The following DSC3 variants were observed in gnomAD, a reference collection of about 807,000 sequenced individuals.
The protein encoded by DSC3 is desmocollin 3.
Under a neutral mutation model 89.5 loss-of-function variants are expected in DSC3, and 97 were observed. The ratio of observed to expected loss-of-function variants is 1.08; its 90% CI spans 0.92 to 1.28. DSC3 has a LOEUF of 1.28. Among genes scored for constraint, DSC3 ranks in the 50% most tolerant of loss-of-function variants. The probability of loss-of-function intolerance (pLI) is 0.00; values close to 1 mark genes in which losing one functional copy is unlikely to be tolerated. For synonymous variants in DSC3, 436 were observed against 384.1 expected, an observed-to-expected ratio of 1.14 and a Z score of -1.58; for missense variants, 1,199 against 1,085.3, an observed-to-expected ratio of 1.10 and a Z score of -1.47.
Position 30,991,776 on chromosome 18 carries a change from G to T in DSC3, c.*2399C>A, listed in dbSNP as rs945312785. On this transcript the variant is annotated 3_prime_UTR_variant, in exon 16 of 16. Coordinates refer to ENST00000360428, the MANE Select transcript of DSC3 (RefSeq NM_001941.5). ...GAGTTCTTTCTCCCCCTGGCTTCTC[G>T]ACTGTCTTTTGGTTGAGTATTTCAA... 39 of 152,092 alleles carry T rather than the reference G, an allele frequency of 2.6e-4. 1 individual carries two copies. Among genetic ancestry groups the T allele is most frequent in the Non-Finnish European group, 5.9e-5 (4 of 68,034 alleles). The allele number at this position is 152,092 out of a possible 1,614,324, so 9.4% of individuals were successfully genotyped here.
At chr18:31,014,764 A>G (rs1985179253) in intron 9 of DSC3, among the ~76,000 whole-genome samples, 1 of 152,178 alleles carries the variant, frequency 6.6e-6, no homozygotes, top group African/African-American at 2.4e-5. Context: ...TATTGAATAC[A>G]AACTGCCTTG....
Position 30,991,563 on chromosome 18 carries a change from T to A in DSC3, c.*2612A>T, listed in dbSNP as rs1378902871. 2 of 152,178 alleles carry A rather than the reference T, an allele frequency of 1.3e-5. No individual in the cohort carries two copies. Among genetic ancestry groups the A allele is most frequent in the African/African-American group, 2.4e-5 (1 of 41,440 alleles). The allele number at this position is 152,178 out of a possible 1,614,324, so 9.4% of individuals were successfully genotyped here. ...CAGGGAAGTGATACTGGTTGCTCTT[T>A]GAGAAAGTTTATCGGCACTAGTAAA... On this transcript the variant is annotated 3_prime_UTR_variant, in exon 16 of 16. Coordinates refer to ENST00000360428, the MANE Select transcript of DSC3 (RefSeq NM_001941.5).
At chr18:31,011,864 G>A (rs1242259392) in intron 9 of DSC3, among the ~76,000 whole-genome samples, 1 of 149,228 alleles carries the variant, frequency 6.7e-6, no homozygotes, top group Non-Finnish European at 1.5e-5. Flanking sequence ...ATGGAGGCAT[G>A]CGCCTGTAGT....
In DSC3 at chr18:31,006,125, G is replaced by A. The variant is rs377634172; in HGVS notation, c.1888+782C>T. Among the ~76,000 whole-genome samples, 14 of 152,134 alleles carry A rather than the reference G, an allele frequency of 9.2e-5. 1 individual carries two copies. In the South Asian group the frequency reaches 1.5e-3, roughly 16 times the overall value. On this transcript the variant is annotated intron_variant, in intron 12 of 15. Coordinates refer to ENST00000360428, the MANE Select transcript of DSC3 (RefSeq NM_001941.5). ...ACAGCCCCCAGAAACTGCTACAATA[G>A]GCAGCAGCCCCTCAATACTCCTTCC...
Position 30,993,909 on chromosome 18 carries a change from A to G in DSC3, c.*266T>C. ...TATCCAGCATATTTATTACTAAAATATCCGTAAAAAAAAAAAAGAGCAGAT... is the reference window on the plus strand; with the variant it reads ...TATCCAGCATATTTATTACTAAAATGTCCGTAAAAAAAAAAAAGAGCAGAT... On this transcript the variant is annotated 3_prime_UTR_variant, in exon 16 of 16. Coordinates refer to ENST00000360428, the MANE Select transcript of DSC3 (RefSeq NM_001941.5). 1 of 339,380 alleles carries G rather than the reference A, an allele frequency of 2.9e-6. No individual in the cohort carries two copies. The highest frequency in any genetic ancestry group is 5.5e-6 in the Non-Finnish European group (1 of 182,592). The allele number at this position is 339,380 out of a possible 1,614,324, so 21.0% of individuals were successfully genotyped here.
rs1210763839 is a variant in DSC3 at position 30,994,119 on chromosome 18, T to C, written c.*56A>G. The C allele has an allele frequency of 6.5e-7, 1 of 1,540,426 alleles. No individual in the cohort carries two copies. The highest frequency in any genetic ancestry group is 1.7e-5 in the Admixed American group (1 of 59,662). ...CATGTTGAAATTGAACTTTACAATA[T>C]TATTTTTGGAAACCTCCAGAATGTC... On this transcript the variant is annotated 3_prime_UTR_variant, in exon 16 of 16. Transcript: ENST00000360428.
At chr18:31,022,550 T>A in intron 6 of DSC3, 48 bp from the exon 7 acceptor site, 2 of 1,598,838 alleles carry the variant, frequency 1.3e-6, no homozygotes, top group African/African-American at 2.7e-5. Context: ...AATTGTTAAA[T>A]ATACTTTCAA....
At chr18:31,037,943 T>C (rs1354573444) in intron 1 of DSC3, among the ~76,000 whole-genome samples, 2 of 152,136 alleles carry the variant, frequency 1.3e-5, no homozygotes, top group Non-Finnish European at 2.9e-5. Flanking sequence ...GTGCTATGAA[T>C]TCTATGAATT....
At chr18:31,036,635 A>C (rs771952911) in intron 1 of DSC3, among the ~76,000 whole-genome samples, 1 of 151,776 alleles carries the variant, frequency 6.6e-6, no homozygotes, top group African/African-American at 2.4e-5. Context: ...TCAGTTCCCC[A>C]AGTTCTGTAA....
intron 1 of DSC3, among the ~76,000 whole-genome samples, chr18:31,036,301 G>A (rs941278495): frequency 1.3e-5 from 2 of 151,940 alleles, no homozygotes; most frequent in Non-Finnish European, 2.9e-5. Flanking sequence ...TTTATTTGTT[G>A]TGAGATTGAC....
rs1300409651 is a variant in DSC3, at chr18:30,999,225, A to AT, written c.2236-2178dup. 3.3e-5 allele frequency among the ~76,000 whole-genome samples: 5 copies of AT among 152,158 alleles called. No individual in the cohort carries two copies. The South Asian group carries it at 8.3e-4, about 25-fold the overall frequency. On this transcript the variant is annotated intron_variant, in intron 14 of 15. Transcript: ENST00000360428. ...TTGTGCCACCTTCCTATCAATTTAA[A>AT]TTTTTTTCTACTTAAAATGCAGTCT...
intron 14 of DSC3, among the ~76,000 whole-genome samples, chr18:30,997,449 A>C (rs563051189): frequency 1.8e-4 from 27 of 152,246 alleles, no homozygotes; most frequent in Admixed American, 6.5e-4. Context: ...AGCTTTCATG[A>C]TAATAAACCC....
intron 3 of DSC3, among the ~76,000 whole-genome samples, chr18:31,030,536 T>A (rs959150929): frequency 6.6e-6 from 1 of 152,110 alleles, no homozygotes; most frequent in African/African-American, 2.4e-5. Context: ...CTGACACCAG[T>A]GCACAAAAGA....
intron 9 of DSC3, among the ~76,000 whole-genome samples, chr18:31,014,005 T>A (rs930789419): frequency 3.3e-5 from 5 of 152,156 alleles, no homozygotes; most frequent in African/African-American, 9.6e-5. Context: ...AATGAACTAG[T>A]TAAATAATAA....
chr18:31,031,689 T>A (rs1391969630), intron 2 of DSC3, among the ~76,000 whole-genome samples: 2 of 152,228 alleles, frequency 1.3e-5, no homozygotes, highest in Admixed American at 1.3e-4. Flanking sequence ...CAATTTTCCC[T>A]GGAGGCCCAA....
Position 30,994,019 on chromosome 18 carries a change from G to T in DSC3, c.*156C>A. The T allele has an allele frequency of 1.3e-6, 1 of 742,050 alleles. No homozygotes were observed. Among genetic ancestry groups the T allele is most frequent in the Non-Finnish European group, 2.2e-6 (1 of 455,250 alleles). 46.0% of individuals were successfully genotyped at this position (742,050 alleles called of 1,614,324 possible). On this transcript the variant is annotated 3_prime_UTR_variant, in exon 16 of 16. Coordinates refer to ENST00000360428, the MANE Select transcript of DSC3 (RefSeq NM_001941.5). ...ATTTTTCACTTTTTGGAAAAGATAA[G>T]CAACAACTTGCTTTAAAAATATAAA...
At chr18:31,004,905 T>C (rs1232233389) in intron 12 of DSC3, among the ~76,000 whole-genome samples, 1 of 152,164 alleles carries the variant, frequency 6.6e-6, no homozygotes, top group East Asian at 1.9e-4. Flanking sequence ...AAAACAGAAA[T>C]ATCTATATAA....
rs34818241 is a variant in DSC3, at chr18:31,030,935, G to GAA, written c.354+36_354+37dup. 5.7e-6 allele frequency: 9 copies of GAA among 1,569,736 alleles called. 1 individual carries two copies. Among genetic ancestry groups the GAA allele is most frequent in the South Asian group, 2.2e-5 (2 of 89,632 alleles). The stretch of plus-strand genomic sequence containing the variant: ...CAATTTTTAATAAGAGTATTTTAAT[G>GAA]AAAAAATGACTGAAAATATTTAATG... On this transcript the variant is annotated intron_variant, in intron 3 of 15. Transcript: ENST00000360428.
Position 30,991,557 on chromosome 18 carries a change from G to C in DSC3, c.*2618C>G, listed in dbSNP as rs201987737. 7.2e-5 allele frequency: 11 copies of C among 152,300 alleles called. No individual in the cohort carries two copies. The East Asian group carries it at 1.7e-3, about 24-fold the overall frequency. 9.4% of individuals were successfully genotyped at this position (152,300 alleles called of 1,614,324 possible). A position where few individuals can be genotyped will look rare whatever the true frequency, so the allele number is the denominator to read the frequency against. ...TATAAACAGGGAAGTGATACTGGTTGCTCTTTGAGAAAGTTTATCGGCACT... is the reference window on the plus strand; with the variant it reads ...TATAAACAGGGAAGTGATACTGGTTCCTCTTTGAGAAAGTTTATCGGCACT... On this transcript the variant is annotated 3_prime_UTR_variant, in exon 16 of 16. Coordinates refer to ENST00000360428, the MANE Select transcript of DSC3 (RefSeq NM_001941.5).
Sources: gnomAD v4.1 joint callset for allele counts (sites outside exome capture counted in the v4.1 genomes callset) on GRCh38, gnomAD v4.1.1 for gene constraint, MANE v1.5 for transcripts, NCBI Gene and HGNC (gene_info 2026-07-23, HGNC 2026-07-21) for gene names.